The following CCDC7 variants were observed in gnomAD, a reference collection of about 807,000 sequenced individuals.
CCDC7 encodes coiled-coil domain containing 7, also known as coiled-coil domain-containing protein 7.
CCDC7 carries 183 observed loss-of-function variants against 196.9 expected under a neutral mutation model. The observed-to-expected ratio is 0.93, with a 90% CI of 0.82 to 1.05. The LOEUF is 1.05. Ranked by LOEUF, CCDC7 falls within the 50% of genes least tolerant of loss-of-function variation. CCDC7 has a pLI of 0.00. For missense variants in CCDC7, 1,540 were observed against 1,482.2 expected (o/e 1.04, Z -0.64); for synonymous variants, 525 against 484.6 (o/e 1.08, Z -1.10).
At chr10:32,839,961 A>G (rs1565671544) in intron 33 of CCDC7, among the ~76,000 whole-genome samples, 1 of 152,114 alleles carries the variant, frequency 6.6e-6, no homozygotes, top group Non-Finnish European at 1.5e-5. Flanking sequence ...CTGAACAATA[A>G]TAGTGACACA....
chr10:32,639,135 G>A (rs1040222327), intron 20 of CCDC7, among the ~76,000 whole-genome samples: 1 of 151,820 alleles, frequency 6.6e-6, no homozygotes, highest in Non-Finnish European at 1.5e-5. Flanking sequence ...TTCTTTATTA[G>A]TCTTGCTCTA....
intron 31 of CCDC7, among the ~76,000 whole-genome samples, chr10:32,819,331 C>T (rs1294319721): frequency 6.6e-6 from 1 of 152,138 alleles, no homozygotes; most frequent in African/African-American, 2.4e-5. Flanking sequence ...TAATAGCTTA[C>T]CAACCAAAAA....
At chr10:32,472,415 T>G in intron 6 of CCDC7, 66 bp from the exon 8 acceptor site, 1 of 1,388,544 alleles carries the variant, frequency 7.2e-7, no homozygotes, top group Non-Finnish European at 9.6e-7. Context: ...TTTAGTTATT[T>G]TAGTGTAATT....
At chr10:32,659,380 G>T (rs1232417676) in intron 20 of CCDC7, among the ~76,000 whole-genome samples, 1 of 151,970 alleles carries the variant, frequency 6.6e-6, no homozygotes, top group Non-Finnish European at 1.5e-5. Context: ...TTATACCATT[G>T]TGGTAAGAAA....
chr10:32,553,787 G>A (rs899676484), intron 13 of CCDC7, among the ~76,000 whole-genome samples: 1 of 152,178 alleles, frequency 6.6e-6, no homozygotes, highest in Admixed American at 6.5e-5. Flanking sequence ...CTCTATTTTT[G>A]TGCTGGTTGG....
intron 31 of CCDC7, among the ~76,000 whole-genome samples, chr10:32,816,194 G>A (rs1396883311): frequency 1.3e-5 from 2 of 152,250 alleles, no homozygotes; most frequent in Non-Finnish European, 2.9e-5. Flanking sequence ...ATTATATCCT[G>A]CGCATGGCTC....
intron 16 of CCDC7, among the ~76,000 whole-genome samples, chr10:32,581,173 TA>T (rs1228685048): frequency 1.3e-5 from 2 of 152,142 alleles, no homozygotes; most frequent in Non-Finnish European, 2.9e-5. Context: ...TAAAAGCTGC[TA>T]AAATACATGC....
chr10:32,851,879 G>C, exon 40 of CCDC7: 1 of 1,611,340 alleles, frequency 6.2e-7, no homozygotes, highest in South Asian at 1.1e-5. Context: ...TATAGGGCTG[G>C]TCCAAGCTTT....
In CCDC7 at chr10:32,871,208, C is replaced by T. The variant is rs577698809; in HGVS notation, c.4112-5139C>T. Among the ~76,000 whole-genome samples, 21 of 152,156 alleles carry T rather than the reference C, an allele frequency of 1.4e-4. 1 individual carries two copies. The highest frequency in any genetic ancestry group is 1.0e-3 in the Admixed American group (16 of 15,262). On this transcript the variant is annotated intron_variant, in intron 41 of 41. Coordinates refer to ENST00000639629, the Ensembl canonical transcript of CCDC7. ...TCCTCCTTGTACCTCTGGTAGAATT[C>T]GGCTGTGAATCCATCGGGTCCTGGA...
intron 9 of CCDC7, among the ~76,000 whole-genome samples, chr10:32,508,271 G>A (rs939685137): frequency 6.6e-6 from 1 of 152,058 alleles, no homozygotes; most frequent in Admixed American, 6.6e-5. Flanking sequence ...AACAATAACT[G>A]TGAAGAAGAA....
intron 9 of CCDC7, among the ~76,000 whole-genome samples, chr10:32,506,385 G>T (rs910709177): frequency 2.0e-5 from 3 of 152,098 alleles, no homozygotes; most frequent in Non-Finnish European, 2.9e-5. Flanking sequence ...CAGCCGGGCA[G>T]AGGGGCTCCT....
intron 21 of CCDC7, among the ~76,000 whole-genome samples, chr10:32,685,539 C>T (rs973928186): frequency 2.0e-5 from 3 of 152,180 alleles, no homozygotes; most frequent in Admixed American, 6.5e-5. Context: ...TATTCTCTCC[C>T]TTGGACACCC....
intron 24 of CCDC7, among the ~76,000 whole-genome samples, chr10:32,711,317 T>C (rs1378936286): frequency 6.6e-6 from 1 of 152,046 alleles, no homozygotes; most frequent in Non-Finnish European, 1.5e-5. Context: ...ACCTTGAACA[T>C]ATGCATTTTC....
In CCDC7 at chr10:32,704,676, C is replaced by T. The variant is rs569772596; in HGVS notation, c.2459-6944C>T. Among the ~76,000 whole-genome samples, 235 of 152,226 alleles carry T rather than the reference C, an allele frequency of 1.5e-3. 1 individual carries two copies. Among genetic ancestry groups the T allele is most frequent in the African/African-American group, 5.2e-3 (215 of 41,568 alleles). Reference sequence around the variant, plus strand: ...CTCCACCCAGTTCGAACATCCCAGCCGCTTTTTTTAGCTACTCAAGCCTCA... The same window carrying T: ...CTCCACCCAGTTCGAACATCCCAGCTGCTTTTTTTAGCTACTCAAGCCTCA... On this transcript the variant is annotated intron_variant, in intron 24 of 41. Transcript: ENST00000639629.
intron 24 of CCDC7, among the ~76,000 whole-genome samples, chr10:32,702,410 T>C (rs2141577362): frequency 6.6e-6 from 1 of 152,336 alleles, no homozygotes; most frequent in Non-Finnish European, 1.5e-5. Context: ...TCTTTGCTTT[T>C]ACATTTGCTG....
In CCDC7 at chr10:32,548,055, G is replaced by A. The variant is rs150920350; in HGVS notation, c.1134+3754G>A. Among the ~76,000 whole-genome samples the A allele has an allele frequency of 3.9e-5, 6 of 152,194 alleles. No homozygotes were observed. The East Asian group carries it at 7.7e-4, about 20-fold the overall frequency. On this transcript the variant is annotated intron_variant, in intron 13 of 41. Transcript: ENST00000639629. Reference sequence around the variant, plus strand: ...ATGTTATAAATAAATATTTGGTGCCGCCAAAGAAACAGCACTCGAACATAA... The same window carrying A: ...ATGTTATAAATAAATATTTGGTGCCACCAAAGAAACAGCACTCGAACATAA...
At chr10:32,688,691 T>C (rs1156994041) in intron 22 of CCDC7, among the ~76,000 whole-genome samples, 1 of 152,226 alleles carries the variant, frequency 6.6e-6, no homozygotes, top group African/African-American at 2.4e-5. Context: ...AGATCTATGC[T>C]TGTATATTTA....
At chr10:32,468,922 A>G (rs2037383775) in intron 5 of CCDC7, among the ~76,000 whole-genome samples, 1 of 152,254 alleles carries the variant, frequency 6.6e-6, no homozygotes, top group Admixed American at 6.5e-5. Flanking sequence ...TAACAGAGAT[A>G]CATGTGGAAA....
intron 29 of CCDC7, among the ~76,000 whole-genome samples, chr10:32,795,319 C>T (rs2083383055): frequency 6.6e-6 from 1 of 152,120 alleles, no homozygotes; most frequent in Non-Finnish European, 1.5e-5. Flanking sequence ...TTCAGGCTCA[C>T]TGGTTTTTCC....
Sources: allele counts gnomAD v4.1 joint callset (sites outside exome capture counted in the v4.1 genomes callset), GRCh38; gene constraint gnomAD v4.1.1; transcripts MANE v1.5; gene names NCBI Gene and HGNC (gene_info 2026-07-23, HGNC 2026-07-21).